ARHGEF7: variants seen among roughly 807,000 people sequenced by gnomAD.
ARHGEF7 encodes the protein PAK-interacting exchange factor beta.
ARHGEF7 carries 33 observed loss-of-function variants against 109.8 expected under a neutral mutation model. That is an observed-to-expected ratio of 0.30 (90% CI 0.23 to 0.40). The LOEUF is 0.40. Ranked by LOEUF, ARHGEF7 falls within the 10% of genes least tolerant of loss-of-function variation. ARHGEF7 has a pLI of 1.00. For missense variants in ARHGEF7, 938 were observed against 1,098.5 expected (o/e 0.85, Z 2.07); for synonymous variants, 458 against 424.6 (o/e 1.08, Z -0.97).
chr13:111,241,314 A>T (rs1259357495), intron 6 of ARHGEF7: 1 of 1,536,086 alleles, frequency 6.5e-7, no homozygotes, highest in Non-Finnish European at 8.7e-7. Context: ...AGCGTGCAGA[A>T]GACGAGGAGG....
chr13:111,165,533 T>C (rs2153402696), intron 2 of ARHGEF7, among the ~76,000 whole-genome samples: 1 of 152,296 alleles, frequency 6.6e-6, no homozygotes, highest in East Asian at 1.9e-4. Context: ...TTCTGTGTAT[T>C]CTCTGCTACC....
chr13:111,246,751 G>A (rs1047184827), intron 8 of ARHGEF7, among the ~76,000 whole-genome samples: 4 of 152,146 alleles, frequency 2.6e-5, no homozygotes, highest in Admixed American at 6.5e-5. Context: ...CAAAGTCTTT[G>A]TAAGAGTTCA....
chr13:111,194,032 A>T (rs2080212509), intron 2 of ARHGEF7, among the ~76,000 whole-genome samples: 2 of 152,186 alleles, frequency 1.3e-5, no homozygotes, highest in African/African-American at 4.8e-5. Context: ...AGTAGTCCAG[A>T]CAGTGAGATC....
chr13:111,280,586 T>G lies in ARHGEF7; in HGVS notation c.1634T>G (p.Leu545Arg). The change falls in exon 15 of 22, where the codon CTG becomes CGG. Residue 545 changes from leucine to arginine, a missense_variant. By Grantham distance (102) the Leu-to-Arg change is moderately radical (BLOSUM62 -2). Coordinates refer to ENST00000646102, the MANE Select transcript of ARHGEF7 (RefSeq NM_001354046.2). Reference protein sequence around the residue: ...ILVSCNNQQDLQEWVEHLQKQ... With the variant: ...ILVSCNNQQDRQEWVEHLQKQ... The stretch of plus-strand genomic sequence containing the variant: ...GTGTCGTGCAACAACCAGCAGGATC[T>G]GCAGGAATGGGTGGAGCACCTACAG... 1 of 1,613,004 alleles carries G rather than the reference T, an allele frequency of 6.2e-7. No individual in the cohort carries two copies. The highest frequency in any genetic ancestry group is 1.1e-5 in the South Asian group (1 of 90,814).
At chr13:111,234,509 G>A (rs1013469916) in intron 6 of ARHGEF7, among the ~76,000 whole-genome samples, 2 of 152,128 alleles carry the variant, frequency 1.3e-5, no homozygotes, top group Non-Finnish European at 2.9e-5. Flanking sequence ...CGCTGAGCTC[G>A]CACTTGGGTA....
chr13:111,171,932 G>C (rs2077633383), intron 2 of ARHGEF7, among the ~76,000 whole-genome samples: 1 of 152,140 alleles, frequency 6.6e-6, no homozygotes, highest in African/African-American at 2.4e-5. Flanking sequence ...TGAAGAAACA[G>C]GCCCTCACCA....
intron 2 of ARHGEF7, among the ~76,000 whole-genome samples, chr13:111,189,479 G>C (rs893304588): frequency 6.6e-6 from 1 of 152,104 alleles, no homozygotes; most frequent in Admixed American, 6.5e-5. Flanking sequence ...GAGTAGGTTC[G>C]TGGTCTTGCT....
intron 2 of ARHGEF7, among the ~76,000 whole-genome samples, chr13:111,172,519 C>T (rs546429244): frequency 5.9e-5 from 9 of 152,364 alleles, no homozygotes; most frequent in Admixed American, 2.0e-4. Context: ...GTGTCACATC[C>T]TCTCTGACTG....
At chr13:111,259,413 C>G (rs376233678) in intron 8 of ARHGEF7, among the ~76,000 whole-genome samples, 3 of 152,206 alleles carry the variant, frequency 2.0e-5, no homozygotes, top group South Asian at 2.1e-4. Context: ...GTCTTTCTCT[C>G]TCTCTGTTTG....
chr13:111,266,098 C>T lies in ARHGEF7; in HGVS notation c.951-1450C>T, dbSNP rs1274269906. Among the ~76,000 whole-genome samples the T allele has an allele frequency of 6.6e-6, 1 of 152,098 alleles. No individual in the cohort carries two copies. Among genetic ancestry groups the T allele is most frequent in the Non-Finnish European group, 1.5e-5 (1 of 68,018 alleles). ...ATTCCTCTGTCATTTTGGTCACGTA[C>T]CTGCTCTGGGAACTTCCCGAGGAGC... On this transcript the variant is annotated intron_variant, in intron 8 of 21. Coordinates refer to ENST00000646102, the MANE Select transcript of ARHGEF7 (RefSeq NM_001354046.2). The surrounding 1 kb of genome is among the most constrained non-coding windows in gnomAD (Gnocchi z 4.8).
upstream of ARHGEF7, chr13:111,115,017 C>G (rs1378383017): frequency 6.6e-6 from 1 of 151,776 alleles, no homozygotes; most frequent in Non-Finnish European, 1.5e-5. Flanking sequence ...CTTCCGAGTG[C>G]CCCGGCCAGG....
chr13:111,283,986 T>C (rs1230008806), intron 16 of ARHGEF7, among the ~76,000 whole-genome samples: 3 of 152,212 alleles, frequency 2.0e-5, no homozygotes, highest in Non-Finnish European at 4.4e-5. Context: ...CTTACACTTT[T>C]ACCTAAACCA....
intron 1 of ARHGEF7, among the ~76,000 whole-genome samples, chr13:111,148,104 A>C (rs1027349216): frequency 1.5e-4 from 23 of 152,202 alleles, no homozygotes; most frequent in African/African-American, 4.8e-4. Context: ...CTCCGTGGCC[A>C]CACTTGCCAT....
intron 1 of ARHGEF7, among the ~76,000 whole-genome samples, chr13:111,124,926 A>G (rs1236258335): frequency 6.6e-6 from 1 of 151,990 alleles, no homozygotes; most frequent in East Asian, 1.9e-4. Context: ...TGCCCGGCTA[A>G]TTTTTGTATT....
chr13:111,252,679 G>A (rs1225114632), intron 8 of ARHGEF7, among the ~76,000 whole-genome samples: 1 of 152,170 alleles, frequency 6.6e-6, no homozygotes, highest in Non-Finnish European at 1.5e-5. Context: ...TGAATTCTTA[G>A]TGTGTTCCTG....
chr13:111,225,509 TTTG>T (rs1208440463), intron 5 of ARHGEF7, among the ~76,000 whole-genome samples: 1 of 151,712 alleles, frequency 6.6e-6, no homozygotes, highest in Non-Finnish European at 1.5e-5. Context: ...TGCTTGTTTT[TTTG>T]TTTTTTTTTT....
At chr13:111,247,286 T>TG (rs2089031675) in intron 8 of ARHGEF7, among the ~76,000 whole-genome samples, 1 of 151,974 alleles carries the variant, frequency 6.6e-6, no homozygotes, top group Non-Finnish European at 1.5e-5. Context: ...TTTTTTTTTT[T>TG]GATACAGAAT....
chr13:111,259,768 G>A (rs561918492), intron 8 of ARHGEF7, among the ~76,000 whole-genome samples: 5 of 152,096 alleles, frequency 3.3e-5, no homozygotes, highest in South Asian at 2.1e-4. Flanking sequence ...ACAGGAACTC[G>A]CCAAATAAAG....
intron 1 of ARHGEF7, chr13:111,143,422 C>T (rs1292098515): frequency 6.6e-6 from 1 of 152,226 alleles, no homozygotes; most frequent in African/African-American, 2.4e-5. Context: ...AATCACCAGC[C>T]ATGCTGAAGT....
Sources: gnomAD v4.1 joint callset for allele counts (sites outside exome capture counted in the v4.1 genomes callset) on GRCh38, gnomAD v4.1.1 for gene constraint, Gnocchi (gnomAD v3.1) non-coding constraint, MANE v1.5 for transcripts, NCBI Gene and HGNC (gene_info 2026-07-23, HGNC 2026-07-21) for gene names.